The following HSD17B12 variants were observed in gnomAD, a reference collection of about 807,000 sequenced individuals.
The protein encoded by HSD17B12 is hydroxysteroid 17-beta dehydrogenase 12, also known as very-long-chain 3-oxoacyl-CoA reductase.
HSD17B12 carries 32 observed loss-of-function variants against 39.3 expected under a neutral mutation model. That is an observed-to-expected ratio of 0.81 (90% CI 0.61 to 1.09). HSD17B12 has a LOEUF of 1.09. Among genes scored for constraint, HSD17B12 ranks in the 50% least tolerant of loss-of-function variants. HSD17B12 has a pLI of 0.00. For missense variants in HSD17B12, 342 were observed against 382.9 expected, an observed-to-expected ratio of 0.89 and a Z score of 0.89; for synonymous variants, 150 against 146.7, an observed-to-expected ratio of 1.02 and a Z score of -0.16.
chr11:43,608,324 T>C, the HSD17B12 span, among the ~76,000 whole-genome samples: 1 of 149,950 alleles, frequency 6.7e-6, no homozygotes, highest in Non-Finnish European at 1.5e-5. Flanking sequence ...ATCATGCCAC[T>C]GCACTCTATC....
chr11:43,567,443 C>A, the HSD17B12 span, among the ~76,000 whole-genome samples: 1 of 152,198 alleles, frequency 6.6e-6, no homozygotes, highest in African/African-American at 2.4e-5. Context: ...GGGTCCAGGT[C>A]CTGTGCTGAG....
chr11:43,612,312 G>A, the HSD17B12 span, among the ~76,000 whole-genome samples: 3 of 152,112 alleles, frequency 2.0e-5, no homozygotes, highest in Non-Finnish European at 2.9e-5. Flanking sequence ...TCCACAGAGC[G>A]GGTACTTAGG....
intron 1 of HSD17B12, among the ~76,000 whole-genome samples, chr11:43,710,570 TA>T (rs1356228174): frequency 6.6e-6 from 1 of 152,218 alleles, no homozygotes; most frequent in African/African-American, 2.4e-5. Context: ...ATCTTTATTT[TA>T]TTTTTATTTT....
the HSD17B12 span, among the ~76,000 whole-genome samples, chr11:43,671,071 C>G: frequency 6.6e-6 from 1 of 152,056 alleles, no homozygotes; most frequent in African/African-American, 2.4e-5. Context: ...TATTATTTGC[C>G]TTAAGTTTGC....
chr11:43,574,889 T>C, the HSD17B12 span, among the ~76,000 whole-genome samples: 1 of 152,186 alleles, frequency 6.6e-6, no homozygotes, highest in African/African-American at 2.4e-5. Flanking sequence ...CTCCTACCAT[T>C]CAACAAAAGT....
chr11:43,620,083 G>A, the HSD17B12 span, among the ~76,000 whole-genome samples: 5 of 152,166 alleles, frequency 3.3e-5, no homozygotes, highest in African/African-American at 1.2e-4. Flanking sequence ...CAAGTGAAAG[G>A]ACTTTATCAT....
intron 3 of HSD17B12, among the ~76,000 whole-genome samples, chr11:43,793,367 A>G (rs545951517): frequency 6.6e-6 from 1 of 152,310 alleles, no homozygotes; most frequent in South Asian, 2.1e-4. Context: ...GAGTCAACAT[A>G]TATATTTTGG....
At chr11:43,625,702 A>G in the HSD17B12 span, among the ~76,000 whole-genome samples, 2 of 151,370 alleles carry the variant, frequency 1.3e-5, no homozygotes, top group African/African-American at 2.4e-5. Flanking sequence ...AAGCAAAATA[A>G]TAACTATAGA....
intron 1 of HSD17B12, among the ~76,000 whole-genome samples, chr11:43,689,485 C>T (rs1298255183): frequency 6.6e-6 from 1 of 152,150 alleles, no homozygotes; most frequent in African/African-American, 2.4e-5. Flanking sequence ...CAGATTAAAA[C>T]TCAGTATTTG....
At chr11:43,675,001 T>C in the HSD17B12 span, among the ~76,000 whole-genome samples, 11 of 152,220 alleles carry the variant, frequency 7.2e-5, no homozygotes, top group African/African-American at 2.7e-4. Flanking sequence ...TCTCTCCCAC[T>C]AGACAATCTA....
intron 1 of HSD17B12, among the ~76,000 whole-genome samples, chr11:43,744,076 A>G (rs1040335807): frequency 1.3e-5 from 2 of 152,220 alleles, no homozygotes; most frequent in African/African-American, 2.4e-5. Flanking sequence ...TTTGGAAGAT[A>G]AAGTTGAAGA....
At chr11:43,742,130 TATATATA>T (rs1565071540) in intron 1 of HSD17B12, among the ~76,000 whole-genome samples, 2 of 118,856 alleles carry the variant, frequency 1.7e-5, no homozygotes, top group African/African-American at 3.1e-5. Context: ...TATATATATA[TATATATA>T]TATTTTTTTT....
chr11:43,806,907 C>T (rs1951023695), intron 4 of HSD17B12, among the ~76,000 whole-genome samples: 1 of 152,006 alleles, frequency 6.6e-6, no homozygotes, highest in Non-Finnish European at 1.5e-5. Context: ...TATGAATGTA[C>T]CAAATTATCA....
At chr11:43,667,622 A>G in the HSD17B12 span, among the ~76,000 whole-genome samples, 1 of 152,226 alleles carries the variant, frequency 6.6e-6, no homozygotes, top group Non-Finnish European at 1.5e-5. Context: ...AATGAGATAT[A>G]TTGGGGATGT....
At chr11:43,818,013 A>T (rs1223988636) in intron 6 of HSD17B12, among the ~76,000 whole-genome samples, 1 of 152,120 alleles carries the variant, frequency 6.6e-6, no homozygotes, top group African/African-American at 2.4e-5. Flanking sequence ...GTCATCTATG[A>T]TTCCTTTCAG....
the HSD17B12 span, among the ~76,000 whole-genome samples, chr11:43,624,460 T>G: frequency 1.3e-5 from 2 of 151,856 alleles, no homozygotes; most frequent in Admixed American, 6.6e-5. Context: ...CATTAAGCTA[T>G]CTGTAAACTG....
At chr11:43,642,754 A>G in the HSD17B12 span, among the ~76,000 whole-genome samples, 1 of 151,898 alleles carries the variant, frequency 6.6e-6, no homozygotes, top group South Asian at 2.1e-4. Context: ...ATAAACTAAA[A>G]TTCCAAATAT....
At chr11:43,791,562 G>A (rs1317370749) in intron 3 of HSD17B12, among the ~76,000 whole-genome samples, 4 of 151,792 alleles carry the variant, frequency 2.6e-5, no homozygotes, top group African/African-American at 9.7e-5. Flanking sequence ...AGAAGAAGAG[G>A]AATATTTTGC....
chr11:43,838,478 T>A lies in HSD17B12; in HGVS notation c.618+80T>A, dbSNP rs1402552434. 5 of 1,066,778 alleles carry A rather than the reference T, an allele frequency of 4.7e-6. No homozygotes were observed. In the African/African-American group the frequency reaches 7.8e-5, roughly 17 times the overall value. 66.1% of individuals were successfully genotyped at this position (1,066,778 alleles called of 1,614,324 possible). On this transcript the variant is annotated intron_variant, in intron 8 of 10. Coordinates refer to ENST00000278353, the MANE Select transcript of HSD17B12 (RefSeq NM_016142.3). Reference sequence around the variant, plus strand: ...TCTGAGAAATTAACGTAGATTTAACTTTCCTGAAGTTCTGTTCTTGGCAGT... The same window carrying A: ...TCTGAGAAATTAACGTAGATTTAACATTCCTGAAGTTCTGTTCTTGGCAGT...
Sources: allele counts gnomAD v4.1 joint callset (sites outside exome capture counted in the v4.1 genomes callset), GRCh38; gene constraint gnomAD v4.1.1; transcripts MANE v1.5; gene names NCBI Gene and HGNC (gene_info 2026-07-23, HGNC 2026-07-21).